PHKA1: variants seen among roughly 807,000 people sequenced by gnomAD.
PHKA1 encodes phosphorylase b kinase regulatory subunit alpha, skeletal muscle isoform.
PHKA1 carries 60 observed loss-of-function variants against 110.2 expected under a neutral mutation model. The ratio of observed to expected loss-of-function variants is 0.54; its 90% CI spans 0.44 to 0.68. PHKA1 has a LOEUF of 0.68. PHKA1 is among the 30% of genes least tolerant of loss of function. The pLI, the probability that PHKA1 is intolerant of heterozygous loss-of-function variation, is 0.00. For missense variants in PHKA1, 801 were observed against 942.5 expected (o/e 0.85, Z 1.97); for synonymous variants, 316 against 333.6 (o/e 0.95, Z 0.58).
At chrX:72,631,516 A>G (rs2053165885) in intron 16 of PHKA1, among the ~76,000 whole-genome samples, 1 of 111,515 alleles carries the variant, frequency 9.0e-6, no homozygotes, top group African/African-American at 3.3e-5. Context: ...ATAGGGTCTA[A>G]AAGTTTTCTG....
At chrX:72,604,978 A>G (rs140430302) in intron 25 of PHKA1, among the ~76,000 whole-genome samples, 186 of 111,624 alleles carry the variant, frequency 1.7e-3, no homozygotes, top group African/African-American at 5.9e-3. Flanking sequence ...GTCACACTCA[A>G]ATACTCTCCA....
At chrX:72,586,660 T>A (rs2052435325) in intron 29 of PHKA1, among the ~76,000 whole-genome samples, 1 of 110,120 alleles carries the variant, frequency 9.1e-6, no homozygotes, top group South Asian at 3.9e-4. Context: ...TTTGAACCCA[T>A]CACAAGGAAG....
At chrX:72,587,759 C>CA (rs1302267857) in intron 29 of PHKA1, among the ~76,000 whole-genome samples, 21 of 109,011 alleles carry the variant, frequency 1.9e-4, no homozygotes, top group Admixed American at 3.9e-4. Context: ...AAATGGAAAG[C>CA]AAAAAAAAGC....
At chrX:72,672,951 C>T (rs1434579602) in intron 6 of PHKA1, among the ~76,000 whole-genome samples, 4 of 111,908 alleles carry the variant, frequency 3.6e-5, no homozygotes, top group Non-Finnish European at 7.5e-5. Context: ...AATAACTGGC[C>T]TATGCTCTTC....
chrX:72,630,043 T>C (rs868969652), intron 16 of PHKA1, among the ~76,000 whole-genome samples: 7 of 111,264 alleles, frequency 6.3e-5, no homozygotes, highest in South Asian at 3.7e-4. Flanking sequence ...GTGGAAGGAG[T>C]TCGGGACCAG....
intron 6 of PHKA1, among the ~76,000 whole-genome samples, chrX:72,672,018 G>A (rs2053709642): frequency 8.9e-6 from 1 of 112,190 alleles, no homozygotes; most frequent in African/African-American, 3.2e-5. Context: ...ATTCAGAACA[G>A]AAGCTGTTTT....
At chrX:72,710,818 ATTTTTTATTTTTTAT>A (rs2054361280) in intron 2 of PHKA1, among the ~76,000 whole-genome samples, 2 of 450 alleles carry the variant, frequency 4.4e-3, no homozygotes, top group Non-Finnish European at 0.065. Flanking sequence ...TAAATTCTTT[ATTTTTTATTTTTTAT>A]TTTTTTATTT....
In PHKA1 at chrX:72,652,618, C is replaced by T; in HGVS notation, c.1171G>A (p.Asp391Asn). Residue 391 changes from aspartate to asparagine, a missense_variant, in exon 12 of 32, where the codon GAC (aspartate) becomes AAC (asparagine). Coordinates refer to ENST00000373542, the MANE Select transcript of PHKA1 (RefSeq NM_002637.4). Reference protein sequence around the residue: ...DEEYQNPHTVDRVPMGKLPHM... With the variant: ...DEEYQNPHTVNRVPMGKLPHM... ...GGCAATTTCCCCATGGGGACTCGGT[C>T]CACAGTGTGAGGATTCTGATATTCT... The T allele has an allele frequency of 1.7e-6, 2 of 1,185,442 alleles. No individual in the cohort carries two copies. The highest frequency in any genetic ancestry group is 2.3e-6 in the Non-Finnish European group (2 of 872,085).
intron 6 of PHKA1, among the ~76,000 whole-genome samples, chrX:72,669,851 G>T (rs1465383683): frequency 1.8e-5 from 2 of 110,640 alleles, no homozygotes; most frequent in Non-Finnish European, 3.8e-5. Flanking sequence ...ACGGGTGCAC[G>T]TGTCTTTATA....
At chrX:72,628,475 T>G (rs1050718079) in intron 16 of PHKA1, among the ~76,000 whole-genome samples, 2 of 108,403 alleles carry the variant, frequency 1.8e-5, no homozygotes, top group South Asian at 8.0e-4. Context: ...TTTTCATGTT[T>G]CAAAATCTGA....
chrX:72,638,735 T>C (rs1367666374), intron 14 of PHKA1, among the ~76,000 whole-genome samples: 1 of 111,446 alleles, frequency 9.0e-6, no homozygotes, highest in Non-Finnish European at 1.9e-5. Context: ...TCTTTAGGGG[T>C]TTCAACTGAA....
At chrX:72,697,691 T>C (rs2054144419) in intron 3 of PHKA1, among the ~76,000 whole-genome samples, 1 of 110,718 alleles carries the variant, frequency 9.0e-6, no homozygotes, top group Admixed American at 9.6e-5. Context: ...TGTCTTTGTT[T>C]AAAAAAATTT....
At chrX:72,584,634 G>A (rs2052389296) in intron 29 of PHKA1, among the ~76,000 whole-genome samples, 1 of 111,520 alleles carries the variant, frequency 9.0e-6, no homozygotes, top group Non-Finnish European at 1.9e-5. Context: ...AGGTCGCACG[G>A]CCATCACAAA....
chrX:72,619,986 T>C (rs1271321016), intron 19 of PHKA1, among the ~76,000 whole-genome samples: 1 of 111,991 alleles, frequency 8.9e-6, no homozygotes, highest in African/African-American at 3.2e-5. Flanking sequence ...ATATAAGCCC[T>C]TTCTCGAGGA....
Position 72,580,998 on chromosome X carries a change from G to A in PHKA1, c.*4C>T. On this transcript the variant is annotated 3_prime_UTR_variant, in exon 32 of 32. Coordinates refer to ENST00000373542, the MANE Select transcript of PHKA1 (RefSeq NM_002637.4). ...AGGCTCCCAGAAGCCAGGAACCAAA[G>A]CCCTCATTGCATGGCACAGATGCTG... 1 of 1,209,326 alleles carries A rather than the reference G, an allele frequency of 8.3e-7. No homozygotes were observed. Among genetic ancestry groups the A allele is most frequent in the Non-Finnish European group, 1.1e-6 (1 of 893,591 alleles).
At chrX:72,599,532 T>C (rs1189397230) in intron 28 of PHKA1, among the ~76,000 whole-genome samples, 2 of 111,850 alleles carry the variant, frequency 1.8e-5, no homozygotes, top group African/African-American at 3.2e-5. Context: ...TCCGCAGTCT[T>C]TCTGACTCTG....
At chrX:72,621,763 T>G (rs1479233701) in intron 18 of PHKA1, 2 of 749,802 alleles carry the variant, frequency 2.7e-6, no homozygotes, top group Non-Finnish European at 3.1e-6. Flanking sequence ...TAACCTTGAA[T>G]ACAATCTAGA....
intron 28 of PHKA1, among the ~76,000 whole-genome samples, chrX:72,600,046 A>T (rs1556240539): frequency 1.8e-5 from 2 of 111,074 alleles, no homozygotes; most frequent in Non-Finnish European, 3.8e-5. Context: ...AGGGAAAAGA[A>T]ATAAAAATAC....
At position 72,589,331 on chromosome X, in the gene PHKA1, T is replaced by G. The variant is rs781964947; in HGVS notation, c.3243+3773A>C. ...AACAGAACCATCGACAAAAACCACATGATTAACTCAATAGATGCAGAAAAG... is the reference window on the plus strand; with the variant it reads ...AACAGAACCATCGACAAAAACCACAGGATTAACTCAATAGATGCAGAAAAG... On this transcript the variant is annotated intron_variant, in intron 29 of 31. Coordinates refer to ENST00000373542, the MANE Select transcript of PHKA1 (RefSeq NM_002637.4). Among the ~76,000 whole-genome samples, 3 of 111,835 alleles carry G rather than the reference T, an allele frequency of 2.7e-5. No homozygotes were observed. In the South Asian group the frequency reaches 1.1e-3, roughly 42 times the overall value.
Sources: gnomAD v4.1 joint callset for allele counts (sites outside exome capture counted in the v4.1 genomes callset) on GRCh38, gnomAD v4.1.1 for gene constraint, MANE v1.5 for transcripts, NCBI Gene and HGNC (gene_info 2026-07-23, HGNC 2026-07-21) for gene names.